The following LIN28B variants were observed in gnomAD, a reference collection of about 807,000 sequenced individuals.
LIN28B encodes the protein lin-28 RNA binding posttranscriptional regulator B, also known as protein lin-28 homolog B.
LIN28B carries 5 observed loss-of-function variants against 21.9 expected under a neutral mutation model. That is an observed-to-expected ratio of 0.23 (90% confidence interval 0.12 to 0.48). The LOEUF (loss-of-function observed/expected upper bound fraction) is 0.48. Among genes scored for constraint, LIN28B ranks in the 20% least tolerant of loss-of-function variants. The probability of loss-of-function intolerance (pLI) is 0.98; values close to 1 mark genes in which losing one functional copy is unlikely to be tolerated. For synonymous variants in LIN28B, 109 were observed against 111.3 expected (o/e 0.98, Z 0.13); for missense variants, 245 against 310.5 (o/e 0.79, Z 1.58).
intron 3 of LIN28B, among the ~76,000 whole-genome samples, chr6:105,069,091 A>T (rs1234988957): frequency 6.6e-6 from 1 of 152,014 alleles, no homozygotes; most frequent in African/African-American, 2.4e-5. Flanking sequence ...GGTGGTGCAC[A>T]CCTATAATCC....
At chr6:104,971,922 G>A (rs1207377300) in intron 2 of LIN28B, among the ~76,000 whole-genome samples, 2 of 152,020 alleles carry the variant, frequency 1.3e-5, no homozygotes, top group African/African-American at 4.8e-5. Flanking sequence ...TTTAAATCTA[G>A]TACTAACATT....
chr6:104,997,753 A>G (rs531823738), intron 2 of LIN28B, among the ~76,000 whole-genome samples: 1 of 152,296 alleles, frequency 6.6e-6, no homozygotes, highest in East Asian at 1.9e-4. Context: ...GGCCGGGTTC[A>G]TATCCCATAA....
rs374016554 is a variant in LIN28B, at chr6:104,958,099, G to T, written c.11G>T (p.Gly4Val). MAE[G>V]GASKGGGEEP... ...ACTTTTTTGTCCTGTTCCTTCTCAGGCGGGGCTAGCAAAGGTGGTGGAGAA... is the reference window on the plus strand; with the variant it reads ...ACTTTTTTGTCCTGTTCCTTCTCAGTCGGGGCTAGCAAAGGTGGTGGAGAA... Residue 4 changes from glycine (G) to valine (V), a missense_variant and splice_region_variant, in exon 2 of 4, where the codon GGC becomes GTC. By Grantham distance (109) the Gly-to-Val change is moderately radical. Coordinates refer to ENST00000345080, the MANE Select transcript of LIN28B (RefSeq NM_001004317.4). The T allele has an allele frequency of 1.3e-6, 2 of 1,567,710 alleles. No individual in the cohort carries two copies. The highest frequency in any genetic ancestry group is 2.7e-5 in the African/African-American group (2 of 74,264).
intron 2 of LIN28B, among the ~76,000 whole-genome samples, chr6:104,984,394 C>T (rs1409495620): frequency 2.0e-5 from 3 of 152,066 alleles, no homozygotes; most frequent in African/African-American, 7.2e-5. Context: ...GGCTTTACCT[C>T]AACTCTTGTA....
upstream of LIN28B, among the ~76,000 whole-genome samples, chr6:104,955,978 G>T (rs375528195): frequency 7.8e-4 from 119 of 152,136 alleles, no homozygotes; most frequent in African/African-American, 2.6e-3. Context: ...GAAACTGGGG[G>T]TCAGTTGAGG....
intron 2 of LIN28B, among the ~76,000 whole-genome samples, chr6:104,977,073 G>T (rs1013806172): frequency 1.3e-5 from 2 of 150,872 alleles, no homozygotes; most frequent in Non-Finnish European, 3.0e-5. Flanking sequence ...CTTTCAGGTT[G>T]AAGTACAGTG....
At chr6:104,995,506 T>G (rs899026678) in intron 2 of LIN28B, among the ~76,000 whole-genome samples, 2 of 152,254 alleles carry the variant, frequency 1.3e-5, no homozygotes, top group South Asian at 2.1e-4. Flanking sequence ...TATATTCATG[T>G]GGGTCTGAGA....
chr6:104,965,887 T>C (rs1295047075), intron 2 of LIN28B, among the ~76,000 whole-genome samples: 1 of 152,224 alleles, frequency 6.6e-6, no homozygotes, highest in Non-Finnish European at 1.5e-5. Flanking sequence ...TTTAATACCA[T>C]TTTTTGGTTA....
intron 1 of LIN28B, 75 bp from the exon 2 acceptor site, chr6:104,958,024 A>G: frequency 9.7e-7 from 1 of 1,027,184 alleles, no homozygotes; most frequent in Non-Finnish European, 1.3e-6. Context: ...CCAGGCAGGC[A>G]ATTTTTTTTT....
chr6:105,021,763 G>A lies in LIN28B; in HGVS notation c.199-4535G>A, dbSNP rs540180701. 1.4e-4 allele frequency among the ~76,000 whole-genome samples: 22 copies of A among 152,064 alleles called. 1 individual carries two copies. The South Asian group carries it at 3.7e-3, about 26-fold the overall frequency. Reference sequence around the variant, plus strand: ...ATTTGCAAATATTTTCTCCCATTCCGCAGGGTGTCTGTTCACTCTGTTGAT... The same window carrying A: ...ATTTGCAAATATTTTCTCCCATTCCACAGGGTGTCTGTTCACTCTGTTGAT... On this transcript the variant is annotated intron_variant, in intron 2 of 3. Coordinates refer to ENST00000345080, the MANE Select transcript of LIN28B (RefSeq NM_001004317.4).
At chr6:104,999,293 C>A (rs1770673310) in intron 2 of LIN28B, among the ~76,000 whole-genome samples, 1 of 152,094 alleles carries the variant, frequency 6.6e-6, no homozygotes, top group African/African-American at 2.4e-5. Context: ...GCCTTTGACA[C>A]CACTTCCAAC....
chr6:105,040,356 G>A (rs1433462774), intron 3 of LIN28B, among the ~76,000 whole-genome samples: 1 of 151,968 alleles, frequency 6.6e-6, no homozygotes, highest in Non-Finnish European at 1.5e-5. Context: ...TCATGAATTA[G>A]TGAGTTTTCT....
upstream of LIN28B, among the ~76,000 whole-genome samples, chr6:104,956,708 A>G (rs1778295653): frequency 6.6e-6 from 1 of 152,174 alleles, no homozygotes; most frequent in Non-Finnish European, 1.5e-5. Flanking sequence ...CTTAAGGGGA[A>G]AAAAAGCGTT....
intron 2 of LIN28B, among the ~76,000 whole-genome samples, chr6:105,004,779 T>G (rs1297384681): frequency 6.6e-6 from 1 of 152,248 alleles, no homozygotes; most frequent in Non-Finnish European, 1.5e-5. Flanking sequence ...ATCTACTCAG[T>G]AGCTTCAAAC....
intron 2 of LIN28B, among the ~76,000 whole-genome samples, chr6:105,007,925 G>C (rs192195695): frequency 2.0e-5 from 3 of 152,116 alleles, no homozygotes; most frequent in Non-Finnish European, 4.4e-5. Flanking sequence ...TATTACAGGC[G>C]TGAGCCACCA....
At chr6:105,007,022 C>G (rs1221318561) in intron 2 of LIN28B, among the ~76,000 whole-genome samples, 1 of 152,174 alleles carries the variant, frequency 6.6e-6, no homozygotes. Flanking sequence ...CATATATGCT[C>G]TTGCCATTTT....
chr6:105,025,956 C>T (rs563250559), intron 2 of LIN28B, among the ~76,000 whole-genome samples: 23 of 152,048 alleles, frequency 1.5e-4, no homozygotes, highest in Non-Finnish European at 3.1e-4. Flanking sequence ...GATAGATGTT[C>T]AGATAGATGT....
intron 3 of LIN28B, among the ~76,000 whole-genome samples, chr6:105,038,209 A>C (rs914682767): frequency 6.6e-6 from 1 of 152,232 alleles, no homozygotes; most frequent in Non-Finnish European, 1.5e-5. Flanking sequence ...CTTATACGTT[A>C]TGTGGGAGTT....
intron 2 of LIN28B, among the ~76,000 whole-genome samples, chr6:105,013,919 T>G (rs1770973382): frequency 6.6e-6 from 1 of 152,162 alleles, no homozygotes; most frequent in Admixed American, 6.5e-5. Flanking sequence ...CCCTCTTTGA[T>G]TCCTGATTTT....
Sources: gnomAD v4.1 joint callset for allele counts (sites outside exome capture counted in the v4.1 genomes callset) on GRCh38, gnomAD v4.1.1 for gene constraint, MANE v1.5 for transcripts, NCBI Gene and HGNC (gene_info 2026-07-23, HGNC 2026-07-21) for gene names.